Variants in NAV2 observed in about 807,000 individuals in gnomAD.
The protein encoded by NAV2 is neuron navigator 2.
In NAV2, 54 loss-of-function variants were observed where a neutral mutation model predicts 223.2. That is an observed-to-expected ratio of 0.24 (90% CI 0.19 to 0.30). NAV2 has a LOEUF of 0.30. Among genes scored for constraint, NAV2 ranks in the 10% least tolerant of loss-of-function variants. NAV2 has a pLI of 1.00. For synonymous variants in NAV2, 1,279 were observed against 1,239.3 expected, an observed-to-expected ratio of 1.03 and a Z score of -0.67; for missense variants, 2,806 against 3,147.5, an observed-to-expected ratio of 0.89 and a Z score of 2.60.
chr11:19,810,498 C>T (rs988531680), intron 1 of NAV2, among the ~76,000 whole-genome samples: 3 of 152,308 alleles, frequency 2.0e-5, no homozygotes, highest in Admixed American at 1.3e-4. Flanking sequence ...AGGATATGTA[C>T]ACGTATCTAC....
At chr11:19,361,738 C>T (rs1019610469) in intron 1 of NAV2, among the ~76,000 whole-genome samples, 3 of 152,112 alleles carry the variant, frequency 2.0e-5, no homozygotes, top group Admixed American at 6.5e-5. Context: ...AGAGAAACGG[C>T]AAATAAGCAT....
rs1160332405 is a variant in NAV2, at chr11:19,713,043, G to T, written c.-653G>T. Among the ~76,000 whole-genome samples, 1 of 152,150 alleles carries T rather than the reference G, an allele frequency of 6.6e-6. No homozygotes were observed. The highest frequency in any genetic ancestry group is 6.5e-5 in the Admixed American group (1 of 15,284). On this transcript the variant is annotated 5_prime_UTR_variant, in exon 1 of 38. Transcript: ENST00000349880. This position sits in a 1 kb window ranked among gnomAD's most constrained non-coding sequence, Gnocchi z 7.2. ...TCAGTCCGGGGGCCTTCTGGGCAGC[G>T]GTGACTGTCACCCCAAGAGAGACCT... is the stretch of plus-strand genomic sequence containing the variant.
intron 1 of NAV2, among the ~76,000 whole-genome samples, chr11:19,525,086 G>A (rs1028593261): frequency 2.6e-5 from 4 of 152,102 alleles, no homozygotes; most frequent in African/African-American, 9.7e-5. Flanking sequence ...TAGTTGTCTG[G>A]GTCATAAATT....
chr11:19,552,956 G>A (rs1196128185), intron 1 of NAV2, among the ~76,000 whole-genome samples: 1 of 152,168 alleles, frequency 6.6e-6, no homozygotes, highest in Non-Finnish European at 1.5e-5. Context: ...GCAGGGAAAG[G>A]AACGCGTAAG....
rs1406343907 is a variant in NAV2 at position 19,939,691 on chromosome 11, T to G, written c.2064T>G (p.Thr688=). 1.9e-6 allele frequency: 3 copies of G among 1,614,186 alleles called. No individual in the cohort carries two copies. Among genetic ancestry groups the G allele is most frequent in the Non-Finnish European group, 2.5e-6 (3 of 1,179,998 alleles). Reference sequence around the variant, plus strand: ...AGACGGACACTGAAGGGAATGTTACTGCCGAGTCAAGCTCAACAGGTGTGA... The same window carrying G: ...AGACGGACACTGAAGGGAATGTTACGGCCGAGTCAAGCTCAACAGGTGTGA... ...RSQTDTEGNV[T]AESSSTGVSV... Residue 688 remains threonine, a synonymous_variant, in exon 8 of 38, where the codon ACT becomes ACG. Coordinates refer to ENST00000349880, the MANE Select transcript of NAV2 (RefSeq NM_145117.5).
intron 19 of NAV2, chr11:20,056,550 G>A: frequency 6.2e-7 from 1 of 1,613,190 alleles, no homozygotes; most frequent in Middle Eastern, 1.7e-4. Flanking sequence ...GAAAAGTTCT[G>A]TGGACAACTT....
intron 1 of NAV2, among the ~76,000 whole-genome samples, chr11:19,546,187 C>G (rs1367282788): frequency 6.6e-6 from 1 of 152,204 alleles, no homozygotes. Flanking sequence ...GAAAAGACAT[C>G]TCCTCCCCAT....
At chr11:19,926,087 G>C (rs769812588) in intron 6 of NAV2, among the ~76,000 whole-genome samples, 10 of 151,972 alleles carry the variant, frequency 6.6e-5, no homozygotes, top group Non-Finnish European at 1.0e-4. Context: ...TGAATTTTAG[G>C]ATAGATTTCT....
intron 1 of NAV2, among the ~76,000 whole-genome samples, chr11:19,702,438 A>G (rs2049534240): frequency 6.6e-6 from 1 of 152,164 alleles, no homozygotes; most frequent in African/African-American, 2.4e-5. Context: ...AGTTTTCTGC[A>G]TTTCCACATC....
intron 1 of NAV2, among the ~76,000 whole-genome samples, chr11:19,726,161 A>G (rs1232184283): frequency 6.6e-6 from 1 of 152,230 alleles, no homozygotes; most frequent in Non-Finnish European, 1.5e-5. Context: ...TGGTTTAAAA[A>G]TATCTCTTCC....
At chr11:19,428,285 TTGTC>T (rs138833431) in intron 1 of NAV2, among the ~76,000 whole-genome samples, 145 of 152,290 alleles carry the variant, frequency 9.5e-4, no homozygotes, top group African/African-American at 3.2e-3. Context: ...CCTCTGCCCT[TTGTC>T]TGTCAGTGTC....
At chr11:19,716,787 A>G (rs933361266) in intron 1 of NAV2, among the ~76,000 whole-genome samples, 3 of 152,202 alleles carry the variant, frequency 2.0e-5, no homozygotes, top group Non-Finnish European at 2.9e-5. Context: ...CAATAATAAC[A>G]ATGGTAATAA....
intron 1 of NAV2, among the ~76,000 whole-genome samples, chr11:19,498,359 G>T (rs1010392337): frequency 6.6e-6 from 1 of 152,220 alleles, no homozygotes; most frequent in Non-Finnish European, 1.5e-5. Flanking sequence ...GGCAGACTTA[G>T]GTTTGAACTG....
chr11:19,626,105 C>T (rs1008210951), intron 1 of NAV2, among the ~76,000 whole-genome samples: 1 of 152,160 alleles, frequency 6.6e-6, no homozygotes, highest in Non-Finnish European at 1.5e-5. Context: ...ATAAAATCTT[C>T]TCCAATACCA....
At chr11:19,759,416 C>T (rs566436461) in intron 1 of NAV2, among the ~76,000 whole-genome samples, 3 of 152,260 alleles carry the variant, frequency 2.0e-5, no homozygotes, top group Non-Finnish European at 4.4e-5. Context: ...ATAATCTTGT[C>T]TAACACACCC....
At chr11:19,795,705 T>C (rs150231618) in intron 1 of NAV2, among the ~76,000 whole-genome samples, 12 of 152,352 alleles carry the variant, frequency 7.9e-5, no homozygotes, top group African/African-American at 2.6e-4. Flanking sequence ...CAGAAAGTTT[T>C]AGTCTAAACT....
At chr11:20,091,950 T>G (rs899581888) in intron 27 of NAV2, among the ~76,000 whole-genome samples, 1 of 152,108 alleles carries the variant, frequency 6.6e-6, no homozygotes, top group African/African-American at 2.4e-5. Context: ...CACTTAACCC[T>G]CAAGCAGCAG....
intron 1 of NAV2, among the ~76,000 whole-genome samples, chr11:19,799,548 G>C (rs530644136): frequency 9.1e-6 from 1 of 109,618 alleles, no homozygotes; most frequent in Non-Finnish European, 1.7e-5. Flanking sequence ...CAGGACGCCC[G>C]TTATAGTGGT....
intron 26 of NAV2, 138 bp from the exon 27 acceptor site, chr11:20,090,727 G>A (rs2060783834): frequency 3.9e-6 from 3 of 775,428 alleles, no homozygotes; most frequent in East Asian, 2.7e-5. Context: ...GGTGCTTTTG[G>A]CATTGTCACC....
Sources: allele counts gnomAD v4.1 joint callset (sites outside exome capture counted in the v4.1 genomes callset), GRCh38; gene constraint gnomAD v4.1.1; non-coding constraint Gnocchi (gnomAD v3.1); transcripts MANE v1.5; gene names NCBI Gene and HGNC (gene_info 2026-07-23, HGNC 2026-07-21).